The following KCNJ6 variants were observed in gnomAD, a reference collection of about 807,000 sequenced individuals.
KCNJ6 encodes G protein-activated inward rectifier potassium channel 2.
Under a neutral mutation model 34.2 loss-of-function variants are expected in KCNJ6, and 9 were observed. That is an observed-to-expected ratio of 0.26 (90% CI 0.16 to 0.46). The LOEUF is 0.46. Ranked by LOEUF, KCNJ6 falls within the 20% of genes least tolerant of loss-of-function variation. KCNJ6 has a pLI of 1.00. For missense variants in KCNJ6, 236 were observed against 531.3 expected (o/e 0.44, Z 5.46); for synonymous variants, 196 against 207.1 (o/e 0.95, Z 0.46).
At chr21:37,781,730 G>A (rs1388085171) in intron 2 of KCNJ6, among the ~76,000 whole-genome samples, 2 of 152,112 alleles carry the variant, frequency 1.3e-5, no homozygotes, top group Non-Finnish European at 2.9e-5. Flanking sequence ...GGATAAGATT[G>A]CATAGTATTT....
intron 2 of KCNJ6, among the ~76,000 whole-genome samples, chr21:37,804,394 A>G (rs1195593117): frequency 4.6e-5 from 7 of 152,250 alleles, no homozygotes; most frequent in Non-Finnish European, 1.0e-4. Flanking sequence ...GGATATTCAT[A>G]GCACTACTAT....
At chr21:37,861,979 G>A (rs1189134905) in intron 1 of KCNJ6, among the ~76,000 whole-genome samples, 1 of 152,158 alleles carries the variant, frequency 6.6e-6, no homozygotes, top group African/African-American at 2.4e-5. Flanking sequence ...AGTCAAGTGG[G>A]TGGCTCAAGC....
chr21:37,889,063 A>T (rs565525428), intron 1 of KCNJ6, among the ~76,000 whole-genome samples: 1 of 152,310 alleles, frequency 6.6e-6, no homozygotes, highest in Non-Finnish European at 1.5e-5. Flanking sequence ...GGAAGGTAGG[A>T]GATGCTGAGG....
rs1364813510 is a variant in KCNJ6, at chr21:37,614,099, G to C, written c.*11060C>G. ...AAATTTATCAAGTTTTTAAAAAAGG[G>C]GTGGAGGAAGCTATTTCCGACCAGT... On this transcript the variant is annotated 3_prime_UTR_variant, in exon 4 of 4. Transcript: ENST00000609713. 6.6e-6 allele frequency: 1 copy of C among 152,128 alleles called. No individual in the cohort carries two copies. The highest frequency in any genetic ancestry group is 1.5e-5 in the Non-Finnish European group (1 of 68,022). 9.4% of individuals were successfully genotyped at this position (152,128 alleles called of 1,614,324 possible). A position where few individuals can be genotyped will look rare whatever the true frequency, so the allele number is the denominator to read the frequency against.
chr21:37,910,490 G>A (rs984340588), intron 1 of KCNJ6, among the ~76,000 whole-genome samples: 3 of 152,202 alleles, frequency 2.0e-5, no homozygotes, highest in Admixed American at 2.0e-4. Context: ...CTCTCACATT[G>A]CATATAATAC....
At chr21:37,734,087 C>T (rs780187457) in intron 2 of KCNJ6, among the ~76,000 whole-genome samples, 4 of 152,206 alleles carry the variant, frequency 2.6e-5, no homozygotes, top group Non-Finnish European at 4.4e-5. Context: ...TTGTTTGAGT[C>T]ATCCTGTTGT....
At chr21:37,704,216 G>A (rs1038856846) in intron 3 of KCNJ6, among the ~76,000 whole-genome samples, 3 of 136,510 alleles carry the variant, frequency 2.2e-5, no homozygotes, top group African/African-American at 7.6e-5. Context: ...ATCCGTGTCG[G>A]ACCTCACGAA....
chr21:37,789,375 A>G (rs2055206559), intron 2 of KCNJ6, among the ~76,000 whole-genome samples: 1 of 152,194 alleles, frequency 6.6e-6, no homozygotes, highest in South Asian at 2.1e-4. Context: ...TATAAGAAGT[A>G]GAGAGATCTC....
chr21:37,828,632 G>T (rs2123562306), intron 2 of KCNJ6, among the ~76,000 whole-genome samples: 1 of 152,362 alleles, frequency 6.6e-6, no homozygotes, highest in African/African-American at 2.4e-5. Flanking sequence ...TCCCGGTCCG[G>T]GAGAGGCCCA....
At chr21:37,765,260 T>A (rs2055085295) in intron 2 of KCNJ6, among the ~76,000 whole-genome samples, 1 of 152,212 alleles carries the variant, frequency 6.6e-6, no homozygotes, top group African/African-American at 2.4e-5. Flanking sequence ...TGACATCGCT[T>A]TGATAGCTGG....
rs1216500644 is a variant in KCNJ6 at position 37,807,884 on chromosome 21, C to T, written c.25+32774G>A. On this transcript the variant is annotated intron_variant, in intron 2 of 3. Coordinates refer to ENST00000609713, the MANE Select transcript of KCNJ6 (RefSeq NM_002240.5). ...ACTGACAAGTAGATGTGGCAGTAGC[C>T]TGCACCTCCATGTACTGCCAGGGTC... is the stretch of plus-strand genomic sequence containing the variant. Among the ~76,000 whole-genome samples, 3 of 152,156 alleles carry T rather than the reference C, an allele frequency of 2.0e-5. No individual in the cohort carries two copies. The East Asian group carries it at 5.8e-4, about 29-fold the overall frequency.
At chr21:37,658,300 A>G (rs1265441261) in intron 3 of KCNJ6, among the ~76,000 whole-genome samples, 1 of 152,230 alleles carries the variant, frequency 6.6e-6, no homozygotes, top group Non-Finnish European at 1.5e-5. Context: ...TGACATTGCG[A>G]TTTAGCTTGG....
intron 1 of KCNJ6, among the ~76,000 whole-genome samples, chr21:37,860,876 G>A (rs1350982985): frequency 8.8e-6 from 1 of 114,180 alleles, no homozygotes; most frequent in African/African-American, 3.9e-5. Context: ...TCTTCATTGT[G>A]TATGTGGGTA....
intron 3 of KCNJ6, among the ~76,000 whole-genome samples, chr21:37,670,088 C>A (rs2054534831): frequency 6.6e-6 from 1 of 152,262 alleles, no homozygotes; most frequent in Middle Eastern, 3.4e-3. Flanking sequence ...ATGTATATAT[C>A]TAGTTGTCCC....
intron 2 of KCNJ6, among the ~76,000 whole-genome samples, chr21:37,801,244 G>T (rs989026065): frequency 6.6e-6 from 1 of 152,092 alleles, no homozygotes; most frequent in Non-Finnish European, 1.5e-5. Context: ...TTCATTTATT[G>T]TCTGGGTTTT....
chr21:37,625,617 G>A (rs2054307434), intron 3 of KCNJ6, 133 bp from the exon 4 acceptor site: 1 of 630,602 alleles, frequency 1.6e-6, no homozygotes, highest in Non-Finnish European at 2.8e-6. Flanking sequence ...CACTTAGTAG[G>A]TGTCATTCAT....
chr21:37,702,802 G>T (rs1201530726), intron 3 of KCNJ6, among the ~76,000 whole-genome samples: 1 of 152,200 alleles, frequency 6.6e-6, no homozygotes, highest in Non-Finnish European at 1.5e-5. Flanking sequence ...TCTTATTGAG[G>T]TAGGAGGGAA....
At position 37,669,946 on chromosome 21, in the gene KCNJ6, G is replaced by A. The variant is rs531221953; in HGVS notation, c.946+44265C>T. On this transcript the variant is annotated intron_variant, in intron 3 of 3. Transcript: ENST00000609713. ...CAGCTAAGAATCCATTGATGAATCC[G>A]AAGTCATGAAGATTTACCCCTGTGT... Among the ~76,000 whole-genome samples the A allele has an allele frequency of 5.9e-5, 9 of 152,236 alleles. No homozygotes were observed. The East Asian group carries it at 9.6e-4, about 16-fold the overall frequency.
intron 2 of KCNJ6, among the ~76,000 whole-genome samples, chr21:37,791,669 C>T (rs1237882005): frequency 1.3e-5 from 2 of 152,156 alleles, no homozygotes; most frequent in African/African-American, 4.8e-5. Context: ...TTTTATTGGC[C>T]ACCTGTCTTC....
Sources: allele counts gnomAD v4.1 joint callset (sites outside exome capture counted in the v4.1 genomes callset), GRCh38; gene constraint gnomAD v4.1.1; transcripts MANE v1.5; gene names NCBI Gene and HGNC (gene_info 2026-07-23, HGNC 2026-07-21).